CHSY3: variants seen among roughly 807,000 people sequenced by gnomAD.
CHSY3 encodes N-acetylgalactosaminyl-proteoglycan 3-beta-glucuronosyltransferase 3.
CHSY3 carries 35 observed loss-of-function variants against 67.2 expected under a neutral mutation model. The ratio of observed to expected loss-of-function variants is 0.52; its 90% CI spans 0.40 to 0.69. The LOEUF is 0.69. CHSY3 is among the 30% of genes least tolerant of loss of function. CHSY3 has a pLI of 0.00. For missense variants in CHSY3, 1,069 were observed against 1,138.5 expected (o/e 0.94, Z 0.88); for synonymous variants, 474 against 434.7 (o/e 1.09, Z -1.12).
At position 129,920,661 on chromosome 5, in the gene CHSY3, C is replaced by T. The variant is rs927414643; in HGVS notation, c.1086+12301C>T. ...TTCTATCCATAAATTTAACGCCCTT[C>T]TGTTATAACTAAGCACTTATCACAC... is the stretch of plus-strand genomic sequence containing the variant. On this transcript the variant is annotated intron_variant, in intron 2 of 2. Transcript: ENST00000305031. Among the ~76,000 whole-genome samples, 5 of 152,314 alleles carry T rather than the reference C, an allele frequency of 3.3e-5. No individual in the cohort carries two copies. In the East Asian group the frequency reaches 9.7e-4, roughly 29 times the overall value.
At chr5:130,061,944 A>T (rs1765727687) in intron 2 of CHSY3, among the ~76,000 whole-genome samples, 1 of 152,132 alleles carries the variant, frequency 6.6e-6, no homozygotes, top group South Asian at 2.1e-4. Flanking sequence ...ACACTTAGAC[A>T]TTGTTGGTAA....
intron 2 of CHSY3, among the ~76,000 whole-genome samples, chr5:130,125,851 C>T (rs944287627): frequency 3.9e-5 from 6 of 152,102 alleles, no homozygotes; most frequent in African/African-American, 1.4e-4. Flanking sequence ...TTTATGACTC[C>T]ATCTCTTATG....
intron 2 of CHSY3, among the ~76,000 whole-genome samples, chr5:130,059,211 A>G (rs1298700031): frequency 6.6e-6 from 1 of 152,188 alleles, no homozygotes; most frequent in Non-Finnish European, 1.5e-5. Flanking sequence ...CTGTAACATA[A>G]AAATCCTGTC....
At chr5:129,936,450 G>T (rs1761495468) in intron 2 of CHSY3, among the ~76,000 whole-genome samples, 1 of 152,046 alleles carries the variant, frequency 6.6e-6, no homozygotes, top group South Asian at 2.1e-4. Context: ...AAGTGCCACT[G>T]CAAGGGCACT....
At chr5:130,121,966 A>T (rs1449005782) in intron 2 of CHSY3, among the ~76,000 whole-genome samples, 1 of 152,044 alleles carries the variant, frequency 6.6e-6, no homozygotes, top group Non-Finnish European at 1.5e-5. Flanking sequence ...TGCACAGTTC[A>T]CCAATCCAGC....
At chr5:130,168,800 T>C (rs1482848924) in intron 2 of CHSY3, among the ~76,000 whole-genome samples, 2 of 152,024 alleles carry the variant, frequency 1.3e-5, no homozygotes, top group African/African-American at 4.8e-5. Context: ...AAGTACAATA[T>C]AGAATAATTA....
At chr5:130,142,015 A>G (rs963673799) in intron 2 of CHSY3, 5 of 176,306 alleles carry the variant, frequency 2.8e-5, no homozygotes, top group Non-Finnish European at 4.8e-5. Context: ...TCAAATTTGT[A>G]GCAAATTCTG....
intron 2 of CHSY3, among the ~76,000 whole-genome samples, chr5:129,969,289 G>A (rs1035877361): frequency 6.6e-6 from 1 of 151,772 alleles, no homozygotes; most frequent in African/African-American, 2.4e-5. Flanking sequence ...ATTTCTGGAA[G>A]CAATGCATAT....
At chr5:130,086,772 G>A (rs1258181228) in intron 2 of CHSY3, among the ~76,000 whole-genome samples, 4 of 151,872 alleles carry the variant, frequency 2.6e-5, no homozygotes, top group Non-Finnish European at 5.9e-5. Flanking sequence ...ATTCACAGCC[G>A]AATTCTACCA....
At chr5:130,143,003 A>G (rs2149720267) in intron 2 of CHSY3, among the ~76,000 whole-genome samples, 1 of 152,320 alleles carries the variant, frequency 6.6e-6, no homozygotes, top group South Asian at 2.1e-4. Flanking sequence ...AGAGTATGGA[A>G]GTATGTTATG....
Position 129,905,373 on chromosome 5 carries a change from A to G in CHSY3, c.544A>G (p.Lys182Glu). The G allele has an allele frequency of 6.3e-7, 1 of 1,590,632 alleles. No individual in the cohort carries two copies. Among genetic ancestry groups the G allele is most frequent in the Non-Finnish European group, 8.5e-7 (1 of 1,171,036 alleles). ...FLYVGVMTAQ[K>E]YLGSRALAAQ... is the part of the protein sequence containing the mutation. ...GTACGTGGGGGTGATGACCGCGCAG[A>G]AGTACCTGGGCAGCCGCGCGCTGGC... Residue 182 changes from lysine to glutamate, a missense_variant, in exon 1 of 3, where the codon AAG becomes GAG. Physicochemically the swap from Lys to Glu is moderately conservative, Grantham distance 56 (BLOSUM62 1). This residue lies in a region of CHSY3 where 216 missense variants were observed against 311.5 expected (regional missense o/e 0.69). Transcript: ENST00000305031.
chr5:130,044,482 G>A (rs1246261885), intron 2 of CHSY3, among the ~76,000 whole-genome samples: 2 of 152,100 alleles, frequency 1.3e-5, no homozygotes, highest in African/African-American at 2.4e-5. Flanking sequence ...AGCAGATGAA[G>A]TCAGTTTGGC....
In CHSY3 at chr5:129,930,511, G is replaced by T. The variant is rs367580204; in HGVS notation, c.1086+22151G>T. Among the ~76,000 whole-genome samples, 29 of 147,922 alleles carry T rather than the reference G, an allele frequency of 2.0e-4. 1 individual carries two copies. Among genetic ancestry groups the T allele is most frequent in the African/African-American group, 3.7e-4 (15 of 40,132 alleles). ...GTTTAAAAGGAGGCATCACTGGCGG[G>T]GGGGGGGTATGAAGTTTTGCCTGGA... On this transcript the variant is annotated intron_variant, in intron 2 of 2. Coordinates refer to ENST00000305031, the MANE Select transcript of CHSY3 (RefSeq NM_175856.5).
chr5:130,087,480 CCCCAAATCT>C (rs1272948684), intron 2 of CHSY3, among the ~76,000 whole-genome samples: 1 of 151,800 alleles, frequency 6.6e-6, no homozygotes, highest in Non-Finnish European at 1.5e-5. Flanking sequence ...ATTGTCTCAG[CCCCAAATCT>C]CCTTAAGCTG....
chr5:130,042,195 C>T (rs1389723125), intron 2 of CHSY3, among the ~76,000 whole-genome samples: 2 of 152,096 alleles, frequency 1.3e-5, no homozygotes, highest in Non-Finnish European at 2.9e-5. Context: ...AAGATTATGC[C>T]ACGGTACTCC....
At chr5:129,907,542 C>G (rs1760355017) in intron 1 of CHSY3, among the ~76,000 whole-genome samples, 1 of 152,074 alleles carries the variant, frequency 6.6e-6, no homozygotes, top group African/African-American at 2.4e-5. Flanking sequence ...AAACTTTTTT[C>G]TAAAAAGGTG....
At chr5:130,105,946 G>C (rs1283345409) in intron 2 of CHSY3, among the ~76,000 whole-genome samples, 1 of 151,536 alleles carries the variant, frequency 6.6e-6, no homozygotes, top group Non-Finnish European at 1.5e-5. Context: ...TTCCCCCAGA[G>C]AACTAGGTTG....
At chr5:129,957,372 C>CTG (rs1554072706) in intron 2 of CHSY3, among the ~76,000 whole-genome samples, 1 of 151,922 alleles carries the variant, frequency 6.6e-6, no homozygotes, top group Non-Finnish European at 1.5e-5. Flanking sequence ...TGAGCCGAGA[C>CTG]TGGGGTTTTC....
At chr5:130,101,229 T>A (rs1039210322) in intron 2 of CHSY3, among the ~76,000 whole-genome samples, 11 of 152,210 alleles carry the variant, frequency 7.2e-5, no homozygotes, top group African/African-American at 2.7e-4. Flanking sequence ...TTTGTATTAA[T>A]TTAACATTGT....
Sources: allele counts gnomAD v4.1 joint callset (sites outside exome capture counted in the v4.1 genomes callset), GRCh38; gene constraint gnomAD v4.1.1; regional missense constraint gnomAD v4.1.1; transcripts MANE v1.5; gene names NCBI Gene and HGNC (gene_info 2026-07-23, HGNC 2026-07-21).